SCML2: variants seen among roughly 807,000 people sequenced by gnomAD.
SCML2 encodes Scm polycomb group protein like 2.
Under a neutral mutation model 48.4 loss-of-function variants are expected in SCML2, and 6 were observed. The observed-to-expected ratio is 0.12, with a 90% CI of 0.07 to 0.24. The LOEUF is 0.24. SCML2 is among the 10% of genes least tolerant of loss of function. SCML2 has a pLI of 1.00. For missense variants in SCML2, 377 were observed against 528.2 expected (o/e 0.71, Z 2.81); for synonymous variants, 181 against 189.5 (o/e 0.95, Z 0.37).
chrX:18,259,940 C>T (rs928186682), intron 9 of SCML2, among the ~76,000 whole-genome samples: 3 of 111,593 alleles, frequency 2.7e-5, no homozygotes, highest in Non-Finnish European at 5.7e-5. Flanking sequence ...GGATAAAATA[C>T]TTTAAGAGTA....
intron 1 of SCML2, among the ~76,000 whole-genome samples, chrX:18,337,093 G>A (rs1929844549): frequency 9.1e-6 from 1 of 109,850 alleles, no homozygotes; most frequent in African/African-American, 3.3e-5. Context: ...CCTGAGGTCA[G>A]GAGTCCGAGA....
chrX:18,333,598 G>A (rs977241870), intron 2 of SCML2, among the ~76,000 whole-genome samples: 4 of 111,960 alleles, frequency 3.6e-5, no homozygotes, highest in African/African-American at 3.2e-5. Context: ...TCAGCATTCA[G>A]CCAGAGGAAA....
chrX:18,249,891 C>CA (rs1926584235), intron 11 of SCML2, among the ~76,000 whole-genome samples: 1 of 110,720 alleles, frequency 9.0e-6, no homozygotes, highest in African/African-American at 3.3e-5. Context: ...TACACTGGTT[C>CA]CAGGCATTTA....
intron 11 of SCML2, 127 bp downstream of exon 11, chrX:18,256,721 T>G (rs1317464315): frequency 1.2e-5 from 3 of 240,227 alleles, no homozygotes; most frequent in Non-Finnish European, 2.3e-5. Flanking sequence ...CAAAAACAAC[T>G]ATATGTTATA....
At chrX:18,298,872 A>C (rs766826299) in intron 7 of SCML2, among the ~76,000 whole-genome samples, 34 of 110,883 alleles carry the variant, frequency 3.1e-4, no homozygotes, top group Middle Eastern at 4.6e-3. Flanking sequence ...CTCTCTCACC[A>C]TATACAAAAA....
chrX:18,339,883 A>T (rs930667515), intron 1 of SCML2, among the ~76,000 whole-genome samples: 17 of 111,758 alleles, frequency 1.5e-4, no homozygotes, highest in African/African-American at 5.2e-4. Flanking sequence ...GGGGGAAAGA[A>T]TCACCTATAA....
rs1298537170 is a variant in SCML2, at chrX:18,335,836, T to C, written c.-24-1741A>G. On this transcript the variant is annotated intron_variant, in intron 1 of 14. Transcript: ENST00000251900. ...AAATTAATCTGCAGAACCAACAAAC[T>C]GATCATCAAAATCCTCATAGGGTCT... 2.7e-5 allele frequency among the ~76,000 whole-genome samples: 3 copies of C among 112,218 alleles called. No individual in the cohort carries two copies. The East Asian group carries it at 8.4e-4, about 31-fold the overall frequency.
chrX:18,293,645 G>T (rs191385893), intron 7 of SCML2, among the ~76,000 whole-genome samples: 146 of 112,301 alleles, frequency 1.3e-3, no homozygotes, highest in African/African-American at 4.6e-3. Flanking sequence ...CAGTGTATTT[G>T]TATATGTGTG....
At chrX:18,256,741 T>A in intron 11 of SCML2, 107 bp downstream of exon 11, 2 of 591,360 alleles carry the variant, frequency 3.4e-6, no homozygotes, top group East Asian at 7.4e-5. Context: ...ACATTTCTAA[T>A]TAGTTCACTG....
At chrX:18,295,831 A>G in intron 7 of SCML2, among the ~76,000 whole-genome samples, 1 of 112,593 alleles carries the variant, frequency 8.9e-6, no homozygotes, top group Middle Eastern at 4.6e-3. Flanking sequence ...AGCCTAAGCC[A>G]TTGAGGAAAT....
At chrX:18,319,613 A>C (rs764312166) in intron 6 of SCML2, among the ~76,000 whole-genome samples, 115 of 109,168 alleles carry the variant, frequency 1.1e-3, no homozygotes, top group Admixed American at 3.4e-3. Context: ...AAAAACAAAA[A>C]AAAAAAAACC....
At chrX:18,345,938 T>A (rs979842866) in intron 1 of SCML2, among the ~76,000 whole-genome samples, 10 of 106,861 alleles carry the variant, frequency 9.4e-5, no homozygotes, top group African/African-American at 3.4e-4. Flanking sequence ...TTTTTTTTTT[T>A]AATTTTAGTA....
At chrX:18,295,317 C>T (rs1393443963) in intron 7 of SCML2, among the ~76,000 whole-genome samples, 1 of 110,776 alleles carries the variant, frequency 9.0e-6, no homozygotes, top group Non-Finnish European at 1.9e-5. Context: ...CTCTCATTGC[C>T]CAAGTATACC....
At chrX:18,326,389 A>T (rs1156456301) in intron 3 of SCML2, among the ~76,000 whole-genome samples, 1 of 111,385 alleles carries the variant, frequency 9.0e-6, no homozygotes, top group Admixed American at 9.6e-5. Context: ...AGTGTTAAGA[A>T]TGTGGGCTTT....
At chrX:18,332,600 C>T (rs1162905456) in intron 2 of SCML2, among the ~76,000 whole-genome samples, 1 of 111,854 alleles carries the variant, frequency 8.9e-6, no homozygotes, top group Non-Finnish European at 1.9e-5. Flanking sequence ...TGATAGAATA[C>T]CTTCATTTTA....
chrX:18,251,660 A>C (rs1182360497), intron 11 of SCML2, among the ~76,000 whole-genome samples: 1 of 112,261 alleles, frequency 8.9e-6, no homozygotes, highest in Admixed American at 9.5e-5. Context: ...GGAAAAATTG[A>C]AACTTTCATT....
intron 7 of SCML2, among the ~76,000 whole-genome samples, chrX:18,286,377 A>G (rs1463732222): frequency 8.9e-6 from 1 of 111,911 alleles, no homozygotes; most frequent in African/African-American, 3.2e-5. Flanking sequence ...AACATTAGAA[A>G]TACCCACGCA....
At chrX:18,286,935 T>C (rs770349621) in intron 7 of SCML2, among the ~76,000 whole-genome samples, 3 of 110,690 alleles carry the variant, frequency 2.7e-5, no homozygotes, top group Non-Finnish European at 5.7e-5. Context: ...TTAACCCTTG[T>C]TGGACCTTGC....
intron 11 of SCML2, among the ~76,000 whole-genome samples, chrX:18,250,412 C>T (rs893357316): frequency 1.8e-5 from 2 of 108,249 alleles, no homozygotes; most frequent in East Asian, 2.9e-4. Context: ...GATGGAGGCT[C>T]GCTCTGTCAC....
Sources: gnomAD v4.1 joint callset for allele counts (sites outside exome capture counted in the v4.1 genomes callset) on GRCh38, gnomAD v4.1.1 for gene constraint, MANE v1.5 for transcripts, NCBI Gene and HGNC (gene_info 2026-07-23, HGNC 2026-07-21) for gene names.